The following PDZRN4 variants were observed in gnomAD, a reference collection of about 807,000 sequenced individuals.
PDZRN4 encodes PDZ domain-containing RING finger protein 4.
In PDZRN4, 70 loss-of-function variants were observed where a neutral mutation model predicts 99.0. The ratio of observed to expected loss-of-function variants is 0.71; its 90% CI spans 0.58 to 0.86. PDZRN4 has a LOEUF of 0.86. Among genes scored for constraint, PDZRN4 ranks in the 40% least tolerant of loss-of-function variants. PDZRN4 has a pLI of 0.00. For synonymous variants in PDZRN4, 551 were observed against 501.6 expected (o/e 1.10, Z -1.32); for missense variants, 1,474 against 1,331.2 (o/e 1.11, Z -1.67).
At chr12:41,447,381 G>A (rs1472005723) in intron 3 of PDZRN4, among the ~76,000 whole-genome samples, 4 of 152,074 alleles carry the variant, frequency 2.6e-5, no homozygotes, top group Non-Finnish European at 4.4e-5. Flanking sequence ...TACTGTCTTT[G>A]GTGATTGCAC....
chr12:41,378,994 C>T (rs948386839), intron 3 of PDZRN4, among the ~76,000 whole-genome samples: 62 of 152,124 alleles, frequency 4.1e-4, no homozygotes, highest in Admixed American at 2.4e-3. Context: ...TTCAAAGGTG[C>T]TATATGGTTT....
chr12:41,305,461 A>G (rs770878814), intron 3 of PDZRN4, among the ~76,000 whole-genome samples: 58 of 152,320 alleles, frequency 3.8e-4, no homozygotes, highest in Admixed American at 1.6e-3. Context: ...ACTGATGTGT[A>G]TTTCTCACAA....
intron 7 of PDZRN4, 66 bp downstream of exon 7, chr12:41,555,826 T>C (rs1247663762): frequency 7.9e-7 from 1 of 1,269,672 alleles, no homozygotes; most frequent in African/African-American, 1.5e-5. Context: ...TTACTTTGTT[T>C]CTTGTAAACT....
intron 3 of PDZRN4, among the ~76,000 whole-genome samples, chr12:41,295,850 C>T (rs561311073): frequency 6.6e-6 from 1 of 152,110 alleles, no homozygotes; most frequent in East Asian, 1.9e-4. Context: ...GGATGCTTTG[C>T]AAAAAGTTTA....
chr12:41,534,740 A>G (rs1217512130), intron 5 of PDZRN4, among the ~76,000 whole-genome samples: 3 of 152,168 alleles, frequency 2.0e-5, no homozygotes, highest in African/African-American at 7.2e-5. Flanking sequence ...CTAGGTTTGC[A>G]GATGTTTTGT....
intron 5 of PDZRN4, among the ~76,000 whole-genome samples, chr12:41,551,282 C>T (rs928493598): frequency 6.6e-6 from 1 of 152,056 alleles, no homozygotes; most frequent in Non-Finnish European, 1.5e-5. Context: ...CATGAGGGCT[C>T]AGCAGTTCTT....
At position 41,573,277 on chromosome 12, in the gene PDZRN4, A is replaced by G. The variant is rs11181011; in HGVS notation, c.2498A>G (p.Tyr833Cys). ...GAACACATCCCTTACCTCTCTCCTTACCACAGCTCCTCATATAGATATGCA... is the reference window on the plus strand; with the variant it reads ...GAACACATCCCTTACCTCTCTCCTTGCCACAGCTCCTCATATAGATATGCA... ...VSEHIPYLSP[Y>C]HSSSYRYANI... Residue 833 changes from tyrosine (Y) to cysteine (C), a missense_variant, in exon 10 of 10, where the codon TAC becomes TGC. Coordinates refer to ENST00000402685, the MANE Select transcript of PDZRN4 (RefSeq NM_001164595.2). The G allele has an allele frequency of 3.4e-3, 5,465 of 1,613,820 alleles. 10 individuals carry two copies. The highest frequency in any genetic ancestry group is 4.2e-3 in the Non-Finnish European group (4,915 of 1,180,016).
chr12:41,303,826 G>A (rs1273415544), intron 3 of PDZRN4, among the ~76,000 whole-genome samples: 1 of 152,114 alleles, frequency 6.6e-6, no homozygotes, highest in Non-Finnish European at 1.5e-5. Context: ...GATACATTAG[G>A]GGGCAGATTC....
At chr12:41,558,193 T>C (rs285577) in intron 7 of PDZRN4, among the ~76,000 whole-genome samples, 13,615 of 152,280 alleles carry the variant, frequency 0.089, 637 homozygotes, top group Non-Finnish European at 0.099. Context: ...ATGTAATCTT[T>C]TGATGCTCAG....
intron 3 of PDZRN4, among the ~76,000 whole-genome samples, chr12:41,362,370 G>A (rs1430299742): frequency 1.3e-5 from 2 of 151,894 alleles, no homozygotes; most frequent in African/African-American, 4.8e-5. Context: ...AAAGACTGAA[G>A]CTGGCTTCTG....
At chr12:41,376,125 T>A (rs1344527436) in intron 3 of PDZRN4, among the ~76,000 whole-genome samples, 2 of 152,210 alleles carry the variant, frequency 1.3e-5, no homozygotes, top group Non-Finnish European at 2.9e-5. Flanking sequence ...TGTATGTATG[T>A]CTGTGTATAT....
At chr12:41,266,429 T>G (rs2120845910) in intron 3 of PDZRN4, among the ~76,000 whole-genome samples, 1 of 152,304 alleles carries the variant, frequency 6.6e-6, no homozygotes, top group African/African-American at 2.4e-5. Flanking sequence ...GTGCACCTAG[T>G]TGGATATTGG....
At chr12:41,191,100 A>G (rs1245322068) in intron 1 of PDZRN4, among the ~76,000 whole-genome samples, 1 of 152,188 alleles carries the variant, frequency 6.6e-6, no homozygotes, top group East Asian at 1.9e-4. Context: ...TCTGTAATGG[A>G]GGGAAAAATA....
At chr12:41,549,479 T>G (rs192471263) in intron 5 of PDZRN4, among the ~76,000 whole-genome samples, 3 of 152,232 alleles carry the variant, frequency 2.0e-5, no homozygotes, top group African/African-American at 7.2e-5. Context: ...TGTATGTTTC[T>G]GTGTTTTAAT....
At chr12:41,313,882 A>G (rs1039331404) in intron 3 of PDZRN4, among the ~76,000 whole-genome samples, 1 of 152,184 alleles carries the variant, frequency 6.6e-6, no homozygotes, top group Non-Finnish European at 1.5e-5. Context: ...AATCTTGGTC[A>G]ATTTTGAAGA....
chr12:41,244,995 C>A (rs1049761460), intron 3 of PDZRN4, among the ~76,000 whole-genome samples: 3 of 152,096 alleles, frequency 2.0e-5, no homozygotes, highest in African/African-American at 7.2e-5. Flanking sequence ...CGGCCCACAC[C>A]ACTGTCTTGA....
intron 3 of PDZRN4, among the ~76,000 whole-genome samples, chr12:41,423,804 G>A (rs926333031): frequency 6.6e-6 from 1 of 152,098 alleles, no homozygotes; most frequent in East Asian, 1.9e-4. Context: ...TAAGGCTATG[G>A]GGAGCTGGGG....
At chr12:41,417,332 A>C (rs1267612447) in intron 3 of PDZRN4, among the ~76,000 whole-genome samples, 1 of 152,216 alleles carries the variant, frequency 6.6e-6, no homozygotes, top group African/African-American at 2.4e-5. Flanking sequence ...AAATTTGGTA[A>C]GTGCCATTGC....
Position 41,534,663 on chromosome 12 carries a change from T to C in PDZRN4, c.1204-17993T>C, listed in dbSNP as rs1378083175. On this transcript the variant is annotated intron_variant, in intron 5 of 9. Coordinates refer to ENST00000402685, the MANE Select transcript of PDZRN4 (RefSeq NM_001164595.2). ...GCTATTGGCAAAATACTTAGGTTTT[T>C]TGTTTGTCTGAAAATATCTTTACTT... Among the ~76,000 whole-genome samples, 3 of 152,196 alleles carry C rather than the reference T, an allele frequency of 2.0e-5. No homozygotes were observed. In the East Asian group the frequency reaches 5.8e-4, roughly 29 times the overall value.
Sources: gnomAD v4.1 joint callset for allele counts (sites outside exome capture counted in the v4.1 genomes callset) on GRCh38, gnomAD v4.1.1 for gene constraint, MANE v1.5 for transcripts, NCBI Gene and HGNC (gene_info 2026-07-23, HGNC 2026-07-21) for gene names.